The following EHBP1 variants were observed in gnomAD, a reference collection of about 807,000 sequenced individuals.
The protein encoded by EHBP1 is EH domain-binding protein 1.
In EHBP1, 55 loss-of-function variants were observed where a neutral mutation model predicts 144.0. The observed-to-expected ratio is 0.38, with a 90% CI of 0.31 to 0.48. The LOEUF (loss-of-function observed/expected upper bound fraction) is 0.48. Among genes scored for constraint, EHBP1 ranks in the 20% least tolerant of loss-of-function variants. The pLI is 0.98. For synonymous variants in EHBP1, 469 were observed against 472.7 expected (o/e 0.99, Z 0.10); for missense variants, 1,200 against 1,364.2 (o/e 0.88, Z 1.90).
chr2:62,748,483 A>C (rs866604853), intron 3 of EHBP1, among the ~76,000 whole-genome samples: 1 of 152,062 alleles, frequency 6.6e-6, no homozygotes, highest in African/African-American at 2.4e-5. Flanking sequence ...GTGAGACCCC[A>C]TATCTACAAA....
At chr2:62,824,923 TTCTTG>T (rs1265034775) in intron 5 of EHBP1, among the ~76,000 whole-genome samples, 1 of 151,964 alleles carries the variant, frequency 6.6e-6, no homozygotes, top group African/African-American at 2.4e-5. Flanking sequence ...ATGGTAGTTT[TTCTTG>T]TCTTGGTTTG....
chr2:63,001,547 G>A (rs1003332517), intron 19 of EHBP1, among the ~76,000 whole-genome samples: 5 of 152,064 alleles, frequency 3.3e-5, no homozygotes, highest in African/African-American at 1.2e-4. Context: ...GACAGTAATG[G>A]CCAATATTTT....
chr2:63,037,716 A>C, intron 20 of EHBP1, 82 bp downstream of exon 20: 1 of 774,950 alleles, frequency 1.3e-6, no homozygotes, highest in Non-Finnish European at 2.1e-6. Context: ...TTGGGATTTA[A>C]TATTTATTCG....
intron 7 of EHBP1, among the ~76,000 whole-genome samples, chr2:62,835,635 G>A (rs993670791): frequency 2.0e-5 from 3 of 152,120 alleles, no homozygotes; most frequent in Non-Finnish European, 2.9e-5. Flanking sequence ...GTGGGTGCGC[G>A]CACCGTGCGC....
intron 5 of EHBP1, among the ~76,000 whole-genome samples, chr2:62,813,595 C>T (rs1416643429): frequency 6.6e-6 from 1 of 152,182 alleles, no homozygotes; most frequent in African/African-American, 2.4e-5. Context: ...AACTCCAACA[C>T]ATGAGAGCTG....
At chr2:62,840,704 G>T (rs1361532942) in intron 7 of EHBP1, among the ~76,000 whole-genome samples, 6 of 151,188 alleles carry the variant, frequency 4.0e-5, no homozygotes, top group Non-Finnish European at 8.9e-5. Flanking sequence ...CTTCTCAAAA[G>T]AAGACATTTA....
rs547926216 is a variant in EHBP1, at chr2:62,986,892, A to G, written c.2609-3824A>G. 7.2e-5 allele frequency among the ~76,000 whole-genome samples: 11 copies of G among 152,282 alleles called. No homozygotes were observed. The South Asian group carries it at 2.1e-3, about 29-fold the overall frequency. On this transcript the variant is annotated intron_variant, in intron 15 of 22. Transcript: ENST00000431489. ...AGCCTAAGGATGTACTTTTTCAGAA[A>G]GGGACAGATGTTGAGGGATTAAGCC...
At chr2:62,820,847 A>C (rs575302288) in intron 5 of EHBP1, among the ~76,000 whole-genome samples, 3 of 146,050 alleles carry the variant, frequency 2.1e-5, no homozygotes, top group African/African-American at 7.5e-5. Flanking sequence ...AGTAATAAAA[A>C]ATTTAGAATA....
At chr2:62,988,340 T>C (rs2059282513) in intron 15 of EHBP1, among the ~76,000 whole-genome samples, 1 of 152,134 alleles carries the variant, frequency 6.6e-6, no homozygotes, top group Non-Finnish European at 1.5e-5. Flanking sequence ...GGTTCCCTTC[T>C]CAGCTTAAAT....
At position 62,794,213 on chromosome 2, in the gene EHBP1, A is replaced by G. The variant is rs184240999; in HGVS notation, c.312+22821A>G. ...ACTCCACTCTGTGTTGGTGGACATGATTAGTGAAAATCTACTCAAAAGTCA... is the reference window on the plus strand; with the variant it reads ...ACTCCACTCTGTGTTGGTGGACATGGTTAGTGAAAATCTACTCAAAAGTCA... On this transcript the variant is annotated intron_variant, in intron 5 of 22. Coordinates refer to ENST00000431489, the MANE Select transcript of EHBP1 (RefSeq NM_001142616.3). Among the ~76,000 whole-genome samples, 163 of 152,206 alleles carry G rather than the reference A, an allele frequency of 1.1e-3. 1 individual carries two copies. In the South Asian group the frequency reaches 0.011, roughly 10 times the overall value.
chr2:62,770,148 C>T (rs2152351790), intron 4 of EHBP1, among the ~76,000 whole-genome samples: 1 of 152,188 alleles, frequency 6.6e-6, no homozygotes, highest in South Asian at 2.1e-4. Flanking sequence ...GCAATTACAA[C>T]AAAAGCAAAA....
At chr2:62,811,167 T>G (rs2044971351) in intron 5 of EHBP1, among the ~76,000 whole-genome samples, 1 of 152,250 alleles carries the variant, frequency 6.6e-6, no homozygotes, top group African/African-American at 2.4e-5. Context: ...ATTCTTTCTC[T>G]TTTACATTTG....
chr2:62,895,362 A>G (rs889954724), intron 10 of EHBP1, among the ~76,000 whole-genome samples: 1 of 152,144 alleles, frequency 6.6e-6, no homozygotes, highest in Non-Finnish European at 1.5e-5. Flanking sequence ...GAGCCCTCCT[A>G]TAATAATGCA....
rs560923019 is a variant in EHBP1, at chr2:62,951,540, G to A, written c.2316+2378G>A. On this transcript the variant is annotated intron_variant, in intron 13 of 22. Transcript: ENST00000431489. ...TTTTTCTTTTTTTTTTTTTTGGGGG[G>A]GGGGGGTGGAGTCTTGCCCTGTCAC... 9.1e-5 allele frequency among the ~76,000 whole-genome samples: 13 copies of A among 142,874 alleles called. 1 individual carries two copies. Among genetic ancestry groups the A allele is most frequent in the South Asian group, 2.4e-4 (1 of 4,194 alleles). 93.7% of individuals were successfully genotyped at this position (142,874 alleles called of 152,430 possible). A position where few individuals can be genotyped will look rare whatever the true frequency, so the allele number is the denominator to read the frequency against.
chr2:62,880,124 A>G (rs144140604), intron 10 of EHBP1, among the ~76,000 whole-genome samples: 1 of 152,338 alleles, frequency 6.6e-6, no homozygotes, highest in East Asian at 1.9e-4. Context: ...AGGATTCATT[A>G]TTCAACAAGT....
At chr2:62,675,762 A>C (rs901316429) in intron 1 of EHBP1, among the ~76,000 whole-genome samples, 5 of 152,090 alleles carry the variant, frequency 3.3e-5, no homozygotes, top group Non-Finnish European at 5.9e-5. Flanking sequence ...TTGTCTGGTT[A>C]TTATTATTGT....
rs955423686 is a variant in EHBP1, at chr2:62,675,116, G to A, written c.-296+1033G>A. Among the ~76,000 whole-genome samples, 11 of 152,308 alleles carry A rather than the reference G, an allele frequency of 7.2e-5. No homozygotes were observed. In the South Asian group the frequency reaches 2.3e-3, roughly 32 times the overall value. ...GAGGCAGAAACTGGAGAGATTTCTG[G>A]TGCTGAAGAAATGATGCCCACAGTC... On this transcript the variant is annotated intron_variant, in intron 1 of 22. Coordinates refer to the EHBP1 transcript ENST00000405015.
intron 9 of EHBP1, among the ~76,000 whole-genome samples, chr2:62,870,308 A>G (rs1044400694): frequency 6.6e-6 from 1 of 152,218 alleles, no homozygotes; most frequent in African/African-American, 2.4e-5. Context: ...AAGTAGAGAA[A>G]AAGAGTCATT....
chr2:62,972,003 T>C (rs1368599682), intron 14 of EHBP1, among the ~76,000 whole-genome samples: 1 of 152,230 alleles, frequency 6.6e-6, no homozygotes, highest in Non-Finnish European at 1.5e-5. Flanking sequence ...CTATCTAGAC[T>C]ACATAAGTAA....
Sources: allele counts gnomAD v4.1 joint callset (sites outside exome capture counted in the v4.1 genomes callset), GRCh38; gene constraint gnomAD v4.1.1; transcripts MANE v1.5; gene names NCBI Gene and HGNC (gene_info 2026-07-23, HGNC 2026-07-21).